The following C1orf116 variants were observed in gnomAD, a reference collection of about 807,000 sequenced individuals.
C1orf116 encodes specifically androgen-regulated gene protein.
Under a neutral mutation model 14.1 loss-of-function variants are expected in C1orf116, and 12 were observed. The observed-to-expected ratio is 0.85, with a 90% CI of 0.54 to 1.38. The LOEUF (loss-of-function observed/expected upper bound fraction) is 1.38, where lower values mean the gene tolerates loss of function less well. C1orf116 is among the 40% of genes most tolerant of loss of function. The pLI is 0.00. For missense variants in C1orf116, 797 were observed against 747.0 expected, an observed-to-expected ratio of 1.07 and a Z score of -0.78; for synonymous variants, 296 against 299.0, an observed-to-expected ratio of 0.99 and a Z score of 0.10.
Position 207,021,715 on chromosome 1 carries a change from T to G in C1orf116, c.*243A>C. ...TTATATCAATAGCTTCAGTGATGTA[T>G]CCAGCGGCCCCCCCTCCACACACAC... On this transcript the variant is annotated 3_prime_UTR_variant, in exon 4 of 4. Transcript: ENST00000359470. 5.2e-6 allele frequency: 2 copies of G among 385,004 alleles called. No individual in the cohort carries two copies. Among genetic ancestry groups the G allele is most frequent in the Non-Finnish European group, 9.3e-6 (2 of 215,952 alleles). The allele number at this position is 385,004 out of a possible 1,614,324, so 23.8% of individuals were successfully genotyped here. A position where few individuals can be genotyped will look rare whatever the true frequency, so the allele number is the denominator to read the frequency against.
intron 1 of C1orf116, among the ~76,000 whole-genome samples, chr1:207,032,329 C>T (rs1231547857): frequency 2.0e-5 from 3 of 152,164 alleles, no homozygotes; most frequent in African/African-American, 7.2e-5. Flanking sequence ...CACAATATGC[C>T]TATCCAACCT....
Position 207,027,546 on chromosome 1 carries a change from C to CGGGT in C1orf116, c.49_52dup (p.Arg18HisfsTer7), listed in dbSNP as rs753325571. On this transcript the variant is annotated frameshift_variant, in exon 2 of 4. Coordinates refer to ENST00000359470, the MANE Select transcript of C1orf116 (RefSeq NM_023938.6). LOFTEE classifies it high-confidence loss of function. Reference sequence around the variant, plus strand: ...CATCATGCTGTCACAGCTGCCGACACGGGTCACGGGTTCTGAGCCAGTCCC... The same window carrying CGGGT: ...CATCATGCTGTCACAGCTGCCGACACGGGTGGGTCACGGGTTCTGAGCCAGTCCC... The CGGGT allele has an allele frequency of 6.2e-7, 1 of 1,613,800 alleles. No individual in the cohort carries two copies. The highest frequency in any genetic ancestry group is 8.5e-7 in the Non-Finnish European group (1 of 1,180,046).
chr1:207,027,801 A>C, intron 1 of C1orf116, 122 bp from the exon 2 acceptor site: 1 of 1,149,000 alleles, frequency 8.7e-7, no homozygotes, highest in Non-Finnish European at 1.2e-6. Flanking sequence ...GGGCATGAAC[A>C]GCCACTGCCC....
intron 1 of C1orf116, among the ~76,000 whole-genome samples, chr1:207,030,215 C>G (rs1221110275): frequency 6.6e-6 from 1 of 152,142 alleles, no homozygotes; most frequent in Non-Finnish European, 1.5e-5. Context: ...CTTCATTTTA[C>G]GGGTGAGAAA....
intron 1 of C1orf116, among the ~76,000 whole-genome samples, chr1:207,030,785 C>A (rs182087773): frequency 5.3e-5 from 8 of 152,172 alleles, no homozygotes; most frequent in African/African-American, 1.9e-4. Context: ...TAACCCTTGA[C>A]CTCTTTGGGA....
In C1orf116 at chr1:207,023,610, T is replaced by A. The variant is rs1173088250; in HGVS notation, c.284-130A>T. The stretch of plus-strand genomic sequence containing the variant: ...CAAACTAGCAATGAATGGGTTTTAT[T>A]TTGCCTTGTTTTCTTTGCTTTTACA... On this transcript the variant is annotated intron_variant, in intron 3 of 3. Coordinates refer to ENST00000359470, the MANE Select transcript of C1orf116 (RefSeq NM_023938.6). The A allele has an allele frequency of 2.3e-6, 3 of 1,323,074 alleles. No homozygotes were observed. In the Admixed American group the frequency reaches 9.4e-5, roughly 41 times the overall value. The allele number at this position is 1,323,074 out of a possible 1,614,324, so 82.0% of individuals were successfully genotyped here.
chr1:207,024,800 G>T, intron 3 of C1orf116, 87 bp downstream of exon 3: 1 of 1,473,240 alleles, frequency 6.8e-7, no homozygotes, highest in Non-Finnish European at 9.3e-7. Context: ...CCTTGGGGTA[G>T]AGGGCAGGCG....
rs374087963 is a variant in C1orf116, at chr1:207,027,631, G to A, written c.-33C>T. ...AACAAGGTGCAGGGATGGCAAAGGG[G>A]GCTTCTAGAGGGGAAGCGAGGGGAA... On this transcript the variant is annotated 5_prime_UTR_variant, in exon 2 of 4. Transcript: ENST00000359470. 4.4e-6 allele frequency: 7 copies of A among 1,606,358 alleles called. No individual in the cohort carries two copies. Among genetic ancestry groups the A allele is most frequent in the Non-Finnish European group, 5.1e-6 (6 of 1,178,784 alleles).
At position 207,019,021 on chromosome 1, in the gene C1orf116, A is replaced by T. The variant is rs1484212456; in HGVS notation, c.*2937T>A. On this transcript the variant is annotated 3_prime_UTR_variant, in exon 4 of 4. Transcript: ENST00000359470. ...ACAGGAACCTGCTCTTCAATCTTTC[A>T]CCTCCCCTTTCTCCATGAAACGAAC... The T allele has an allele frequency of 6.6e-6, 1 of 151,994 alleles. No homozygotes were observed. Among genetic ancestry groups the T allele is most frequent in the African/African-American group, 2.4e-5 (1 of 41,308 alleles). The allele number at this position is 151,994 out of a possible 1,614,324, so 9.4% of individuals were successfully genotyped here.
At position 207,018,925 on chromosome 1, in the gene C1orf116, G is replaced by A. The variant is rs900149712; in HGVS notation, c.*3033C>T. 10 of 152,142 alleles carry A rather than the reference G, an allele frequency of 6.6e-5. No individual in the cohort carries two copies. The highest frequency in any genetic ancestry group is 2.4e-4 in the African/African-American group (10 of 41,376). 9.4% of individuals were successfully genotyped at this position (152,142 alleles called of 1,614,324 possible). ...ACAACCAGGTGTCAAAGGATGGAAG[G>A]GTTCATCTCACACACTCACAGACCA... On this transcript the variant is annotated 3_prime_UTR_variant, in exon 4 of 4. Transcript: ENST00000359470.
rs1250459480 is a variant in C1orf116 at position 207,022,564 on chromosome 1, T to A, written c.1200A>T (p.Ser400=). The change falls in exon 4 of 4, where the codon TCA becomes TCT. Residue 400 remains serine (S), a synonymous_variant. Transcript: ENST00000359470. Reference sequence around the variant, plus strand: ...CCTTCCCAGCAGCAGGAATAGCTGCTGAGGCCTGGGCTGGAGCTGCAGGCT... The same window carrying A: ...CCTTCCCAGCAGCAGGAATAGCTGCAGAGGCCTGGGCTGGAGCTGCAGGCT... ...LAQPAAPAQA[S]AAIPAAGKAL... 9.3e-6 allele frequency: 15 copies of A among 1,613,988 alleles called. No homozygotes were observed. The highest frequency in any genetic ancestry group is 1.3e-5 in the African/African-American group (1 of 74,938).
rs779276548 is a variant in C1orf116, at chr1:207,025,045, A to G, written c.125T>C (p.Phe42Ser). The G allele has an allele frequency of 7.5e-7, 1 of 1,341,238 alleles. No individual in the cohort carries two copies. Among genetic ancestry groups the G allele is most frequent in the Non-Finnish European group, 9.8e-7 (1 of 1,016,502 alleles). The allele number at this position is 1,341,238 out of a possible 1,614,324, so 83.1% of individuals were successfully genotyped here. A position where few individuals can be genotyped will look rare whatever the true frequency, so the allele number is the denominator to read the frequency against. Residue 42 changes from phenylalanine to serine, a missense_variant, in exon 3 of 4, where the codon TTC becomes TCC. By Grantham distance (155) the Phe-to-Ser change is radical. Coordinates refer to ENST00000359470, the MANE Select transcript of C1orf116 (RefSeq NM_023938.6). ...RSGSSDSSYD[F>S]LSTEEKECLL... is the part of the protein sequence containing the mutation. Reference sequence around the variant, plus strand: ...ACACTCCTTCTCTTCAGTGGACAGGAAGTCGTAGCTGCTATCACTCTGTTG... The same window carrying G: ...ACACTCCTTCTCTTCAGTGGACAGGGAGTCGTAGCTGCTATCACTCTGTTG...
In C1orf116 at chr1:207,022,485, T is replaced by C. The variant is rs1572692934; in HGVS notation, c.1279A>G (p.Met427Val). The C allele has an allele frequency of 1.4e-5, 22 of 1,614,178 alleles. No individual in the cohort carries two copies. The highest frequency in any genetic ancestry group is 1.8e-5 in the Non-Finnish European group (21 of 1,180,012). ...APGPAQGPLP[M>V]KSPAPGNVAA... ...ACATTGCCTGGAGCTGGAGACTTCATTGGCAAAGGTCCCTGAGCTGGACCT... is the reference window on the plus strand; with the variant it reads ...ACATTGCCTGGAGCTGGAGACTTCACTGGCAAAGGTCCCTGAGCTGGACCT... Residue 427 changes from methionine to valine, a missense_variant, in exon 4 of 4, where the codon ATG becomes GTG. By Grantham distance (21) the Met-to-Val change is conservative. Coordinates refer to ENST00000359470, the MANE Select transcript of C1orf116 (RefSeq NM_023938.6).
At position 207,029,515 on chromosome 1, in the gene C1orf116, A is replaced by G. The variant is rs573493471; in HGVS notation, c.-81-1836T>C. On this transcript the variant is annotated intron_variant, in intron 1 of 3. Coordinates refer to ENST00000359470, the MANE Select transcript of C1orf116 (RefSeq NM_023938.6). ...AACATTGTGTAGGGTTGAGGCCACT[A>G]TAGCAAAGGAGCTCCATCTCTGTGA... Among the ~76,000 whole-genome samples the G allele has an allele frequency of 2.9e-4, 44 of 152,280 alleles. No individual in the cohort carries two copies. In the South Asian group the frequency reaches 7.9e-3, roughly 27 times the overall value.
intron 1 of C1orf116, among the ~76,000 whole-genome samples, chr1:207,032,107 C>A (rs951058210): frequency 3.9e-5 from 6 of 152,150 alleles, no homozygotes; most frequent in African/African-American, 1.4e-4. Flanking sequence ...AACACACACA[C>A]ACATTGCACC....
chr1:207,028,311 T>G (rs1682142628), intron 1 of C1orf116, among the ~76,000 whole-genome samples: 1 of 152,170 alleles, frequency 6.6e-6, no homozygotes, highest in Non-Finnish European at 1.5e-5. Flanking sequence ...ACTGTAGACT[T>G]GAGAGAAGAA....
chr1:207,027,591 T>G lies in C1orf116; in HGVS notation c.8A>C (p.Glu3Ala), dbSNP rs759774977. Residue 3 changes from glutamate to alanine, a missense_variant, in exon 2 of 4, where the codon GAG becomes GCG. Coordinates refer to ENST00000359470, the MANE Select transcript of C1orf116 (RefSeq NM_023938.6). The stretch of plus-strand genomic sequence containing the variant: ...AGTCCCCGCTGGCCACAGCTCCCTC[T>G]CGGGCATCACCCGAAACAAGGTGCA... MP[E>A]RELWPAGTGS... is the part of the protein sequence containing the mutation. 2 of 1,612,404 alleles carry G rather than the reference T, an allele frequency of 1.2e-6. No individual in the cohort carries two copies. Among genetic ancestry groups the G allele is most frequent in the Non-Finnish European group, 1.7e-6 (2 of 1,180,018 alleles).
At chr1:207,029,627 G>C (rs1018717271) in intron 1 of C1orf116, among the ~76,000 whole-genome samples, 2 of 152,154 alleles carry the variant, frequency 1.3e-5, no homozygotes, top group African/African-American at 4.8e-5. Flanking sequence ...GCTTTTGGAA[G>C]GCTTCTTCTT....
rs550777902 is a variant in C1orf116 at position 207,021,052 on chromosome 1, G to A, written c.*906C>T. On this transcript the variant is annotated 3_prime_UTR_variant, in exon 4 of 4. Coordinates refer to ENST00000359470, the MANE Select transcript of C1orf116 (RefSeq NM_023938.6). The stretch of plus-strand genomic sequence containing the variant: ...AAACTACCTGCATCAGCACAGAGAA[G>A]ATCTGAAACGGTTCTTGGGTGTTTA... 39 of 152,374 alleles carry A rather than the reference G, an allele frequency of 2.6e-4. No homozygotes were observed. The highest frequency in any genetic ancestry group is 8.7e-4 in the African/African-American group (36 of 41,576). 9.4% of individuals were successfully genotyped at this position (152,374 alleles called of 1,614,324 possible).
Sources: allele counts gnomAD v4.1 joint callset (sites outside exome capture counted in the v4.1 genomes callset), GRCh38; gene constraint gnomAD v4.1.1; transcripts MANE v1.5; gene names NCBI Gene and HGNC (gene_info 2026-07-23, HGNC 2026-07-21).